SLC24A4: variants seen among roughly 807,000 people sequenced by gnomAD.
SLC24A4 encodes the protein solute carrier family 24 member 4, also known as sodium/potassium/calcium exchanger 4.
Under a neutral mutation model 79.0 loss-of-function variants are expected in SLC24A4, and 53 were observed. The observed-to-expected ratio is 0.67, with a 90% confidence interval of 0.54 to 0.84. SLC24A4 has a LOEUF of 0.84. Among genes scored for constraint, SLC24A4 ranks in the 40% least tolerant of loss-of-function variants. SLC24A4 has a pLI of 0.00. For synonymous variants in SLC24A4, 323 were observed against 323.8 expected (o/e 1.00, Z 0.03); for missense variants, 731 against 822.0 (o/e 0.89, Z 1.35).
chr14:92,444,139 A>G (rs1479920689), intron 7 of SLC24A4, among the ~76,000 whole-genome samples: 2 of 152,110 alleles, frequency 1.3e-5, no homozygotes, highest in Admixed American at 6.5e-5. Context: ...CAAAAAATAG[A>G]TGTCTGCGAT....
chr14:92,366,127 A>G (rs1297514624), intron 2 of SLC24A4, among the ~76,000 whole-genome samples: 1 of 152,230 alleles, frequency 6.6e-6, no homozygotes, highest in Non-Finnish European at 1.5e-5. Context: ...TCATTGTGAC[A>G]AAGCCTGGCT....
intron 2 of SLC24A4, among the ~76,000 whole-genome samples, chr14:92,355,551 G>A (rs73333719): frequency 0.093 from 14,141 of 152,248 alleles, 702 homozygotes; most frequent in African/African-American, 0.14. Flanking sequence ...TTTTCAGTTC[G>A]TGCAGACATG....
chr14:92,442,587 C>A (rs1431270925), intron 5 of SLC24A4, 126 bp from the exon 6 acceptor site: 2 of 659,880 alleles, frequency 3.0e-6, no homozygotes, highest in Non-Finnish European at 5.4e-6. Flanking sequence ...CTGCCATTCT[C>A]TTCCGCTTCA....
intron 2 of SLC24A4, among the ~76,000 whole-genome samples, chr14:92,395,660 A>G (rs1205240426): frequency 1.3e-5 from 2 of 152,096 alleles, no homozygotes; most frequent in Non-Finnish European, 2.9e-5. Flanking sequence ...AGGATTCCAT[A>G]AGAAGCCTGG....
In SLC24A4 at chr14:92,323,912, G is replaced by C. The variant is rs1159461294; in HGVS notation, c.82G>C (p.Ala28Pro). The change falls in exon 1 of 17, where the codon GCG (alanine) becomes CCG (proline). Residue 28 changes from alanine to proline, a missense_variant. Transcript: ENST00000532405. This position sits in a 1 kb window ranked among gnomAD's most constrained non-coding sequence, Gnocchi z 4.9. ...MLPQQVGFVCAVLALVCCASG... is the reference protein window; with the variant it reads ...MLPQQVGFVCPVLALVCCASG... ...GCCGCAGCAAGTCGGCTTCGTGTGC[G>C]CGGTGCTGGCCCTGGTGTGCTGTGC... 2 of 1,610,540 alleles carry C rather than the reference G, an allele frequency of 1.2e-6. No homozygotes were observed. The highest frequency in any genetic ancestry group is 1.7e-6 in the Non-Finnish European group (2 of 1,179,816).
intron 2 of SLC24A4, among the ~76,000 whole-genome samples, chr14:92,410,865 A>G (rs1890672481): frequency 6.6e-6 from 1 of 152,230 alleles, no homozygotes; most frequent in African/African-American, 2.4e-5. Context: ...GCACATAGAT[A>G]AAGCAGAATA....
intron 10 of SLC24A4, 100 bp downstream of exon 10, chr14:92,449,316 ACACACACCC>A: frequency 1.1e-6 from 1 of 925,016 alleles, no homozygotes. Context: ...ACACACACAC[ACACACACCC>A]TCTCACAATG....
intron 2 of SLC24A4, among the ~76,000 whole-genome samples, chr14:92,349,687 A>AC (rs1185804148): frequency 2.0e-5 from 3 of 152,182 alleles, no homozygotes; most frequent in Admixed American, 6.5e-5. Flanking sequence ...CACCTCAAGG[A>AC]CCCCTCACGT....
chr14:92,444,496 A>G (rs892937452), intron 7 of SLC24A4, among the ~76,000 whole-genome samples: 4 of 152,246 alleles, frequency 2.6e-5, no homozygotes, highest in Admixed American at 6.5e-5. Context: ...CTTAATTTGC[A>G]TGACAGTTAC....
At chr14:92,488,154 C>T (rs1356617244) in intron 14 of SLC24A4, among the ~76,000 whole-genome samples, 4 of 151,500 alleles carry the variant, frequency 2.6e-5, no homozygotes, top group African/African-American at 9.7e-5. Flanking sequence ...TTACTGCAGC[C>T]TCTGCCCCCT....
At chr14:92,430,495 G>A (rs946215861) in intron 2 of SLC24A4, among the ~76,000 whole-genome samples, 1 of 152,260 alleles carries the variant, frequency 6.6e-6, no homozygotes, top group Non-Finnish European at 1.5e-5. Flanking sequence ...GGATTTTGGA[G>A]TTTCCCATCC....
chr14:92,444,007 C>T (rs762282827), intron 7 of SLC24A4, among the ~76,000 whole-genome samples: 8 of 151,716 alleles, frequency 5.3e-5, no homozygotes, highest in African/African-American at 1.2e-4. Context: ...TGATACCTGC[C>T]GTGTATGCCG....
chr14:92,466,324 A>C (rs1050866058), intron 12 of SLC24A4, among the ~76,000 whole-genome samples: 4 of 152,182 alleles, frequency 2.6e-5, no homozygotes, highest in Non-Finnish European at 5.9e-5. Context: ...TTGTTGGCTC[A>C]TTTTCAGTCT....
intron 2 of SLC24A4, among the ~76,000 whole-genome samples, chr14:92,334,582 G>T (rs1287159346): frequency 6.6e-6 from 1 of 152,114 alleles, no homozygotes; most frequent in Non-Finnish European, 1.5e-5. Flanking sequence ...AGTTGCACTG[G>T]ATAAGTACAA....
chr14:92,492,786 G>A, intron 16 of SLC24A4: 1 of 449,044 alleles, frequency 2.2e-6, no homozygotes, highest in Non-Finnish European at 4.5e-6. Flanking sequence ...TTTGAACCCA[G>A]GTTGGTCTGT....
intron 2 of SLC24A4, among the ~76,000 whole-genome samples, chr14:92,375,469 T>A (rs1473351255): frequency 6.6e-6 from 1 of 152,176 alleles, no homozygotes; most frequent in South Asian, 2.1e-4. Context: ...CCACAAAGAA[T>A]TGAAAACAGG....
At chr14:92,419,808 G>A (rs1277977211) in intron 2 of SLC24A4, among the ~76,000 whole-genome samples, 4 of 152,168 alleles carry the variant, frequency 2.6e-5, no homozygotes, top group African/African-American at 9.7e-5. Context: ...CACATAATGA[G>A]GGCTGAGTTG....
intron 12 of SLC24A4, among the ~76,000 whole-genome samples, chr14:92,469,681 A>G (rs886625364): frequency 1.3e-5 from 2 of 152,238 alleles, no homozygotes; most frequent in African/African-American, 2.4e-5. Context: ...CATAAAGTGA[A>G]GAATGGATAA....
chr14:92,368,733 A>C (rs1457532077), intron 2 of SLC24A4, among the ~76,000 whole-genome samples: 2 of 152,162 alleles, frequency 1.3e-5, no homozygotes, highest in Non-Finnish European at 2.9e-5. Flanking sequence ...GGGAGCCAAA[A>C]ACAGGAGGGC....
Sources: allele counts gnomAD v4.1 joint callset (sites outside exome capture counted in the v4.1 genomes callset), GRCh38; gene constraint gnomAD v4.1.1; non-coding constraint Gnocchi (gnomAD v3.1); transcripts MANE v1.5; gene names NCBI Gene and HGNC (gene_info 2026-07-23, HGNC 2026-07-21).